Variants in OXR1 observed in about 807,000 individuals in gnomAD.
OXR1 encodes the protein oxidation resistance 1.
A neutral mutation model predicts 104.6 loss-of-function variants in OXR1; 41 were observed. That is an observed-to-expected ratio of 0.39 (90% CI 0.31 to 0.51). The LOEUF is 0.51. Ranked by LOEUF, OXR1 falls within the 20% of genes least tolerant of loss-of-function variation. OXR1 has a pLI of 0.77. For synonymous variants in OXR1, 348 were observed against 348.4 expected (o/e 1.00, Z 0.01); for missense variants, 955 against 1,031.9 (o/e 0.93, Z 1.02).
chr8:106,735,321 A>G (rs1434272540), intron 11 of OXR1, among the ~76,000 whole-genome samples: 1 of 152,038 alleles, frequency 6.6e-6, no homozygotes, highest in Non-Finnish European at 1.5e-5. Context: ...AATATAATTG[A>G]AAAAAATAAA....
At chr8:106,335,483 C>A (rs1814921945) in intron 1 of OXR1, among the ~76,000 whole-genome samples, 1 of 152,076 alleles carries the variant, frequency 6.6e-6, no homozygotes, top group Non-Finnish European at 1.5e-5. Context: ...TTCTGGGTAT[C>A]CAGAATTAAA....
chr8:106,296,857 A>G (rs1270754339), intron 1 of OXR1, among the ~76,000 whole-genome samples: 1 of 152,146 alleles, frequency 6.6e-6, no homozygotes, highest in Non-Finnish European at 1.5e-5. Flanking sequence ...GAGTGTTTCT[A>G]ATTTTTGTCT....
intron 2 of OXR1, among the ~76,000 whole-genome samples, chr8:106,464,283 A>C (rs967041236): frequency 4.6e-5 from 7 of 152,092 alleles, no homozygotes; most frequent in Admixed American, 2.0e-4. Context: ...TGATGGAGAT[A>C]TTTTTATTCT....
At chr8:106,411,175 A>G (rs531861512) in intron 2 of OXR1, among the ~76,000 whole-genome samples, 7 of 152,190 alleles carry the variant, frequency 4.6e-5, no homozygotes, top group Non-Finnish European at 8.8e-5. Context: ...CAACTGCCCT[A>G]TGAAAGTGAC....
intron 3 of OXR1, among the ~76,000 whole-genome samples, chr8:106,541,411 A>C (rs187637803): frequency 1.3e-3 from 196 of 152,334 alleles, no homozygotes; most frequent in African/African-American, 4.4e-3. Context: ...CAACAAGCAT[A>C]AACTCATGCT....
intron 3 of OXR1, among the ~76,000 whole-genome samples, chr8:106,596,256 G>A (rs1170957334): frequency 2.0e-5 from 3 of 152,056 alleles, no homozygotes; most frequent in Non-Finnish European, 1.5e-5. Flanking sequence ...GACCAGCCTG[G>A]CCAACATGGG....
Position 106,498,561 on chromosome 8 carries a change from G to A in OXR1, c.24-20382G>A, listed in dbSNP as rs188602082. The stretch of plus-strand genomic sequence containing the variant: ...CCATAGAAATGTGTTTTATTTAAGA[G>A]ACTTTAATTCAAGACTGTTGTTTTA... On this transcript the variant is annotated intron_variant, in intron 2 of 16. Coordinates refer to ENST00000517566, the MANE Select transcript of OXR1 (RefSeq NM_001198533.2). Among the ~76,000 whole-genome samples, 112 of 152,232 alleles carry A rather than the reference G, an allele frequency of 7.4e-4. 1 individual carries two copies. The highest frequency in any genetic ancestry group is 3.4e-3 in the Middle Eastern group (1 of 294).
intron 3 of OXR1, among the ~76,000 whole-genome samples, chr8:106,535,495 G>T (rs1418184089): frequency 6.6e-6 from 1 of 152,036 alleles, no homozygotes; most frequent in African/African-American, 2.4e-5. Flanking sequence ...AATAGCTCAG[G>T]GATTTAGCCT....
At chr8:106,665,881 C>A (rs1288502854) in intron 3 of OXR1, among the ~76,000 whole-genome samples, 1 of 151,782 alleles carries the variant, frequency 6.6e-6, no homozygotes, top group African/African-American at 2.4e-5. Context: ...TCACAGTGTC[C>A]CTAGGATAAA....
chr8:106,353,863 T>G (rs1268674582), intron 1 of OXR1, among the ~76,000 whole-genome samples: 1 of 118,474 alleles, frequency 8.4e-6, no homozygotes, highest in African/African-American at 3.3e-5. Context: ...TCTAACTGAA[T>G]TTTTTGTGTC....
chr8:106,458,599 T>C (rs1478513044), intron 2 of OXR1, among the ~76,000 whole-genome samples: 1 of 152,016 alleles, frequency 6.6e-6, no homozygotes, highest in African/African-American at 2.4e-5. Flanking sequence ...CTCAGAACTG[T>C]AGAGCTACCA....
At chr8:106,724,772 A>G (rs1476004841) in intron 11 of OXR1, among the ~76,000 whole-genome samples, 1 of 152,216 alleles carries the variant, frequency 6.6e-6, no homozygotes, top group African/African-American at 2.4e-5. Flanking sequence ...TACCTGAGCA[A>G]AATCAAGGCC....
chr8:106,270,905 G>T (rs945344180), intron 1 of OXR1, among the ~76,000 whole-genome samples: 4 of 152,162 alleles, frequency 2.6e-5, no homozygotes, highest in African/African-American at 9.7e-5. Flanking sequence ...GGCTCCGGAG[G>T]GGCGAGTGGA....
At chr8:106,274,459 A>T (rs1811945650) in intron 1 of OXR1, among the ~76,000 whole-genome samples, 1 of 152,084 alleles carries the variant, frequency 6.6e-6, no homozygotes, top group Non-Finnish European at 1.5e-5. Flanking sequence ...TTCATTCTGA[A>T]GGTATCATCA....
At chr8:106,378,737 G>T (rs1817008891) in intron 2 of OXR1, among the ~76,000 whole-genome samples, 1 of 152,118 alleles carries the variant, frequency 6.6e-6, no homozygotes, top group Non-Finnish European at 1.5e-5. Context: ...TCAAACTCCT[G>T]ACCTCAGGTG....
chr8:106,550,087 C>T (rs1815683703), intron 3 of OXR1, among the ~76,000 whole-genome samples: 1 of 152,156 alleles, frequency 6.6e-6, no homozygotes, highest in East Asian at 1.9e-4. Flanking sequence ...ATGAGAAAAA[C>T]GTGGCTTGAA....
At chr8:106,583,926 TG>T (rs1818435453) in intron 3 of OXR1, among the ~76,000 whole-genome samples, 1 of 152,036 alleles carries the variant, frequency 6.6e-6, no homozygotes. Flanking sequence ...TGTTCTTAAA[TG>T]GGAAATTTAT....
intron 10 of OXR1, among the ~76,000 whole-genome samples, chr8:106,711,852 G>A (rs1444808590): frequency 6.6e-6 from 1 of 152,046 alleles, no homozygotes; most frequent in Admixed American, 6.6e-5. Context: ...CAGTAAGCAT[G>A]GTTACCCTTT....
At chr8:106,310,072 T>C (rs1040534074) in intron 1 of OXR1, among the ~76,000 whole-genome samples, 2 of 152,008 alleles carry the variant, frequency 1.3e-5, no homozygotes, top group East Asian at 3.8e-4. Context: ...TTTAAATATA[T>C]ATTTTCCTAT....
Sources: allele counts gnomAD v4.1 joint callset (sites outside exome capture counted in the v4.1 genomes callset), GRCh38; gene constraint gnomAD v4.1.1; transcripts MANE v1.5; gene names NCBI Gene and HGNC (gene_info 2026-07-23, HGNC 2026-07-21).